Variants in ZNF730 observed in about 807,000 individuals in gnomAD.
The protein encoded by ZNF730 is zinc finger protein 730, also known as putative zinc finger protein 730.
A neutral mutation model predicts 12.6 loss-of-function variants in ZNF730; 12 were observed. The ratio of observed to expected loss-of-function variants is 0.95; its 90% CI spans 0.61 to 1.54. The LOEUF (loss-of-function observed/expected upper bound fraction) is 1.54. Among genes scored for constraint, ZNF730 ranks in the 40% most tolerant of loss-of-function variants. ZNF730 has a pLI of 0.00. For synonymous variants in ZNF730, 194 were observed against 195.8 expected, an observed-to-expected ratio of 0.99 and a Z score of 0.08; for missense variants, 643 against 583.5, an observed-to-expected ratio of 1.10 and a Z score of -1.05.
At chr19:23,126,852 G>T in intron 1 of ZNF730, 2 of 533,038 alleles carry the variant, frequency 3.8e-6, no homozygotes, top group South Asian at 3.0e-5. Flanking sequence ...ATCCAGTAGT[G>T]ACCTAGACCT....
intron 1 of ZNF730, among the ~76,000 whole-genome samples, chr19:23,119,109 A>G (rs544733276): frequency 6.6e-6 from 1 of 152,298 alleles, no homozygotes; most frequent in Non-Finnish European, 1.5e-5. Context: ...GAGAGAAGGC[A>G]TTCTTGCTCC....
upstream of ZNF730, among the ~76,000 whole-genome samples, chr19:23,113,901 C>T (rs770116759): frequency 1.3e-5 from 2 of 152,064 alleles, no homozygotes; most frequent in Non-Finnish European, 2.9e-5. Context: ...TTTAATTATA[C>T]CCTAAATCTA....
chr19:23,096,781 A>G (rs1290103682), intron 1 of ZNF730, among the ~76,000 whole-genome samples: 1 of 152,324 alleles, frequency 6.6e-6, no homozygotes, highest in Non-Finnish European at 1.5e-5. Flanking sequence ...TTGGCCAAGC[A>G]GGGCTGTGAT....
chr19:23,136,977 T>C (rs1200864572), intron 3 of ZNF730, among the ~76,000 whole-genome samples: 1 of 152,084 alleles, frequency 6.6e-6, no homozygotes, highest in Non-Finnish European at 1.5e-5. Context: ...CAGACCAGCC[T>C]GGCCAACATA....
intron 1 of ZNF730, among the ~76,000 whole-genome samples, chr19:23,104,702 C>T (rs189850447): frequency 6.6e-6 from 1 of 152,216 alleles, no homozygotes; most frequent in Non-Finnish European, 1.5e-5. Context: ...TTGTTTTAAC[C>T]AAGGCTTTGA....
chr19:23,093,534 C>G (rs1365886904), intron 1 of ZNF730, among the ~76,000 whole-genome samples: 2 of 152,184 alleles, frequency 1.3e-5, no homozygotes, highest in African/African-American at 4.8e-5. Context: ...TGCTTCCCCC[C>G]CTCATTCTTG....
chr19:23,098,606 G>A (rs1312729197), intron 1 of ZNF730, among the ~76,000 whole-genome samples: 1 of 152,178 alleles, frequency 6.6e-6, no homozygotes, highest in Admixed American at 6.5e-5. Context: ...GAAAGATTGT[G>A]ACATAGTGCA....
intron 3 of ZNF730, among the ~76,000 whole-genome samples, chr19:23,143,263 CA>C (rs1477759638): frequency 6.6e-6 from 1 of 151,658 alleles, no homozygotes; most frequent in Non-Finnish European, 1.5e-5. Flanking sequence ...AAAAAAAAAA[CA>C]ATATATTTTT....
chr19:23,144,239 T>C (rs1599603386), intron 3 of ZNF730: 1 of 152,138 alleles, frequency 6.6e-6, no homozygotes, highest in South Asian at 2.1e-4. Flanking sequence ...GATTTGGACA[T>C]TAAAAAAATC....
intron 1 of ZNF730, among the ~76,000 whole-genome samples, chr19:23,098,821 T>C (rs900915960): frequency 9.9e-5 from 15 of 152,084 alleles, no homozygotes; most frequent in African/African-American, 3.6e-4. Flanking sequence ...GTTGGTAACG[T>C]ATAGCTTAGC....
intron 1 of ZNF730, among the ~76,000 whole-genome samples, chr19:23,086,388 C>T (rs1970064814): frequency 6.6e-6 from 1 of 151,996 alleles, no homozygotes; most frequent in African/African-American, 2.4e-5. Flanking sequence ...TGCCTATGTC[C>T]TGAATCATGT....
chr19:23,107,966 A>G (rs1186066197), intron 1 of ZNF730, among the ~76,000 whole-genome samples: 2 of 152,120 alleles, frequency 1.3e-5, no homozygotes, highest in Non-Finnish European at 2.9e-5. Flanking sequence ...CCTCACAGCA[A>G]TGATTGCCAA....
chr19:23,131,843 G>A (rs1200722807), intron 1 of ZNF730, among the ~76,000 whole-genome samples: 2 of 152,196 alleles, frequency 1.3e-5, no homozygotes, highest in Non-Finnish European at 2.9e-5. Context: ...TTAGTTAAAT[G>A]GTTATAAGCC....
chr19:23,137,036 G>A (rs941169825), intron 3 of ZNF730, among the ~76,000 whole-genome samples: 1 of 152,098 alleles, frequency 6.6e-6, no homozygotes. Flanking sequence ...CGGACGTGGT[G>A]GCAGGCACCT....
chr19:23,132,048 G>A (rs946297235), intron 1 of ZNF730, among the ~76,000 whole-genome samples: 3 of 145,922 alleles, frequency 2.1e-5, no homozygotes, highest in African/African-American at 7.6e-5. Context: ...GCTGGTGTCT[G>A]TGGCAGGGGA....
intron 1 of ZNF730, chr19:23,100,290 C>T (rs183240267): frequency 8.5e-5 from 13 of 152,216 alleles, no homozygotes; most frequent in East Asian, 3.9e-4. Context: ...TGACATATAT[C>T]GTGGCCAAGC....
intron 1 of ZNF730, among the ~76,000 whole-genome samples, chr19:23,120,125 G>A (rs1028715192): frequency 6.6e-6 from 1 of 151,538 alleles, no homozygotes; most frequent in African/African-American, 2.4e-5. Flanking sequence ...CTCCCAAGTA[G>A]CCAGGACTAC....
chr19:23,094,351 C>T (rs1447208022), intron 1 of ZNF730, among the ~76,000 whole-genome samples: 1 of 142,644 alleles, frequency 7.0e-6, no homozygotes, highest in Admixed American at 7.0e-5. Context: ...AGCCACCATG[C>T]CTGGCTCTAT....
intron 1 of ZNF730, among the ~76,000 whole-genome samples, chr19:23,111,842 C>G (rs1970464317): frequency 6.6e-6 from 1 of 152,158 alleles, no homozygotes; most frequent in Non-Finnish European, 1.5e-5. Context: ...ATATCAGATC[C>G]ATTTAGAGTG....
Sources: allele counts gnomAD v4.1 joint callset (sites outside exome capture counted in the v4.1 genomes callset), GRCh38; gene constraint gnomAD v4.1.1; transcripts MANE v1.5; gene names NCBI Gene and HGNC (gene_info 2026-07-23, HGNC 2026-07-21).